The following LCOR variants were observed in gnomAD, a reference collection of about 807,000 sequenced individuals.
LCOR encodes ligand-dependent corepressor.
Under a neutral mutation model 64.4 loss-of-function variants are expected in LCOR, and 14 were observed. The observed-to-expected ratio is 0.22, with a 90% CI of 0.14 to 0.34. LCOR has a LOEUF of 0.34. Ranked by LOEUF, LCOR falls within the 10% of genes least tolerant of loss-of-function variation. LCOR has a pLI of 1.00. For missense variants in LCOR, 1,686 were observed against 1,765.3 expected (o/e 0.96, Z 0.80); for synonymous variants, 643 against 642.5 (o/e 1.00, Z -0.01).
intron 4 of LCOR, among the ~76,000 whole-genome samples, chr10:96,931,289 A>G (rs1046644259): frequency 1.4e-5 from 2 of 148,126 alleles, no homozygotes; most frequent in African/African-American, 2.5e-5. Flanking sequence ...GCTAGAGTGC[A>G]GTGGTGTCAT....
chr10:96,863,664 G>C (rs1845926192), intron 2 of LCOR, among the ~76,000 whole-genome samples: 1 of 152,220 alleles, frequency 6.6e-6, no homozygotes, highest in South Asian at 2.1e-4. Context: ...AGAAAGCATA[G>C]ACTGGTGTTG....
At chr10:96,921,152 C>A (rs527902502) in intron 4 of LCOR, among the ~76,000 whole-genome samples, 1 of 151,898 alleles carries the variant, frequency 6.6e-6, no homozygotes, top group Admixed American at 6.6e-5. Context: ...AATATTAACC[C>A]CATATCAGAT....
Position 96,958,229 on chromosome 10 carries a change from A to C in LCOR, c.332+6033A>C. 3.7e-6 allele frequency: 5 copies of C among 1,333,928 alleles called. No individual in the cohort carries two copies. In the South Asian group the frequency reaches 1.2e-4, roughly 31 times the overall value. The allele number at this position is 1,333,928 out of a possible 1,614,324, so 82.6% of individuals were successfully genotyped here. A position where few individuals can be genotyped will look rare whatever the true frequency, so the allele number is the denominator to read the frequency against. ...TATCCCCTCTCAGAAAGACATCACT[A>C]AAGGCCCATTAAAAATCTGGCCCTA... On this transcript the variant is annotated intron_variant, in intron 7 of 7. Transcript: ENST00000421806.
intron 7 of LCOR, among the ~76,000 whole-genome samples, chr10:96,976,375 G>T (rs1352997186): frequency 6.6e-6 from 1 of 152,068 alleles, no homozygotes. Flanking sequence ...GTATTACATT[G>T]TTCCAGGTTA....
chr10:96,854,192 AAT>A (rs150226193), intron 2 of LCOR, among the ~76,000 whole-genome samples: 2,142 of 152,340 alleles, frequency 0.014, 19 homozygotes, highest in Non-Finnish European at 0.023. Flanking sequence ...TGACTAAATG[AAT>A]ATCTTACTGG....
At chr10:96,962,301 A>G (rs756328902) in intron 7 of LCOR, 16 of 152,306 alleles carry the variant, frequency 1.1e-4, no homozygotes, top group South Asian at 2.1e-4. Flanking sequence ...AGAAAAATAA[A>G]TCACTAGGAA....
At chr10:96,888,237 C>T (rs561868570) in intron 2 of LCOR, among the ~76,000 whole-genome samples, 17 of 150,752 alleles carry the variant, frequency 1.1e-4, no homozygotes, top group South Asian at 4.2e-4. Context: ...TGGTGGTGGC[C>T]GCCTGTAATC....
At chr10:96,887,454 T>C (rs1846363076) in intron 2 of LCOR, among the ~76,000 whole-genome samples, 2 of 151,708 alleles carry the variant, frequency 1.3e-5, no homozygotes, top group South Asian at 4.2e-4. Flanking sequence ...TCCCAGCTAC[T>C]TGGGAGGCTG....
chr10:96,905,179 T>G (rs1846706745), intron 2 of LCOR, among the ~76,000 whole-genome samples: 1 of 152,170 alleles, frequency 6.6e-6, no homozygotes. Flanking sequence ...TCTTTAAAAT[T>G]TTTATCTCCC....
intron 4 of LCOR, among the ~76,000 whole-genome samples, chr10:96,936,767 C>T (rs1287953823): frequency 1.3e-5 from 2 of 149,222 alleles, no homozygotes; most frequent in Admixed American, 1.3e-4. Flanking sequence ...TTTGGAAATA[C>T]AGTAGTCTTC....
intron 4 of LCOR, among the ~76,000 whole-genome samples, chr10:96,920,423 CATATATATGTGTAT>C (rs1239201759): frequency 2.2e-5 from 2 of 88,954 alleles, no homozygotes; most frequent in African/African-American, 8.4e-5. Context: ...TATATATATT[CATATATATGTGTAT>C]ATATGTGTAT....
chr10:96,878,361 G>A (rs544275453), intron 2 of LCOR, among the ~76,000 whole-genome samples: 11 of 152,296 alleles, frequency 7.2e-5, no homozygotes, highest in Non-Finnish European at 1.5e-4. Context: ...AAGGTTGCTC[G>A]TACCAGATAC....
chr10:96,857,802 A>G (rs1200114113), intron 2 of LCOR, among the ~76,000 whole-genome samples: 1 of 152,192 alleles, frequency 6.6e-6, no homozygotes, highest in Non-Finnish European at 1.5e-5. Context: ...AACCACAGGC[A>G]TGTGAATAAG....
chr10:96,916,487 ATAAG>A (rs1365315750), intron 4 of LCOR, among the ~76,000 whole-genome samples: 1 of 151,834 alleles, frequency 6.6e-6, no homozygotes, highest in African/African-American at 2.4e-5. Context: ...CTACAAATCA[ATAAG>A]TATTTACCTG....
At chr10:96,932,190 T>G (rs1847272992) in intron 4 of LCOR, among the ~76,000 whole-genome samples, 1 of 152,202 alleles carries the variant, frequency 6.6e-6, no homozygotes, top group Non-Finnish European at 1.5e-5. Context: ...ACGATAGATT[T>G]GAAAAATAAA....
rs142847546 is a variant in LCOR, at chr10:96,845,757, G to A, written c.-330+12278G>A. On this transcript the variant is annotated intron_variant, in intron 2 of 7. Transcript: ENST00000421806. Reference sequence around the variant, plus strand: ...GCTGGGATTACAGGTGTGAGCCACCGCACCCGGCCAAAATGGGCTTATCTG... The same window carrying A: ...GCTGGGATTACAGGTGTGAGCCACCACACCCGGCCAAAATGGGCTTATCTG... Among the ~76,000 whole-genome samples, 161 of 151,054 alleles carry A rather than the reference G, an allele frequency of 1.1e-3. 1 individual carries two copies. Among genetic ancestry groups the A allele is most frequent in the African/African-American group, 3.8e-3 (155 of 41,184 alleles).
chr10:96,964,135 G>A (rs1350618564), intron 7 of LCOR: 1 of 151,902 alleles, frequency 6.6e-6, no homozygotes, highest in Non-Finnish European at 1.5e-5. Context: ...TGGTTTGATT[G>A]CACTACATTA....
At chr10:96,965,551 A>G (rs1185750183) in intron 7 of LCOR, among the ~76,000 whole-genome samples, 4 of 149,000 alleles carry the variant, frequency 2.7e-5, no homozygotes, top group East Asian at 2.0e-4. Flanking sequence ...AGTCCCAGCT[A>G]CTCGGGAGGC....
At chr10:96,950,843 T>C (rs949119065) in intron 6 of LCOR, among the ~76,000 whole-genome samples, 8 of 152,116 alleles carry the variant, frequency 5.3e-5, no homozygotes, top group African/African-American at 1.9e-4. Flanking sequence ...GTGTCTTTGG[T>C]TGGAAAAGTT....
Sources: allele counts gnomAD v4.1 joint callset (sites outside exome capture counted in the v4.1 genomes callset), GRCh38; gene constraint gnomAD v4.1.1; transcripts MANE v1.5; gene names NCBI Gene and HGNC (gene_info 2026-07-23, HGNC 2026-07-21).